The following CSMD3 variants were observed in gnomAD, a reference collection of about 807,000 sequenced individuals.
CSMD3 encodes CUB and Sushi multiple domains 3, also known as CUB and sushi domain-containing protein 3.
CSMD3 carries 177 observed loss-of-function variants against 435.2 expected under a neutral mutation model. The ratio of observed to expected loss-of-function variants is 0.41; its 90% confidence interval spans 0.36 to 0.46. The LOEUF (loss-of-function observed/expected upper bound fraction) is 0.46. Among genes scored for constraint, CSMD3 ranks in the 20% least tolerant of loss-of-function variants. CSMD3 has a pLI of 0.34. For synonymous variants in CSMD3, 1,656 were observed against 1,520.5 expected (o/e 1.09, Z -2.07); for missense variants, 4,265 against 4,504.6 (o/e 0.95, Z 1.52).
intron 23 of CSMD3, among the ~76,000 whole-genome samples, chr8:112,579,533 T>C (rs774247911): frequency 2.6e-5 from 4 of 152,034 alleles, no homozygotes; most frequent in Non-Finnish European, 5.9e-5. Context: ...TTAAAAATTA[T>C]ATGTATTGCT....
intron 10 of CSMD3, among the ~76,000 whole-genome samples, chr8:112,901,250 C>A (rs1221086932): frequency 1.3e-5 from 2 of 151,250 alleles, no homozygotes; most frequent in Non-Finnish European, 3.0e-5. Flanking sequence ...TCTTATGACT[C>A]AAACTCTTTT....
chr8:112,959,935 A>G (rs75553552), intron 7 of CSMD3, among the ~76,000 whole-genome samples: 7,150 of 151,972 alleles, frequency 0.047, 232 homozygotes, highest in Non-Finnish European at 0.069. Context: ...TTCTGAGTCT[A>G]TAAGACATGG....
chr8:112,511,008 A>C (rs1311308486), intron 28 of CSMD3, among the ~76,000 whole-genome samples: 1 of 152,194 alleles, frequency 6.6e-6, no homozygotes, highest in Non-Finnish European at 1.5e-5. Context: ...TAATATGTGA[A>C]TATGAAAAAA....
At chr8:113,146,186 A>G (rs2091668597) in intron 4 of CSMD3, among the ~76,000 whole-genome samples, 1 of 151,646 alleles carries the variant, frequency 6.6e-6, no homozygotes, top group South Asian at 2.1e-4. Flanking sequence ...AAAGCAAAAC[A>G]GTGAATGCTT....
intron 4 of CSMD3, among the ~76,000 whole-genome samples, chr8:113,125,379 A>G (rs1405685437): frequency 1.3e-5 from 2 of 151,970 alleles, no homozygotes; most frequent in Non-Finnish European, 2.9e-5. Flanking sequence ...TCCCTTCTAC[A>G]GTTCAGGTAA....
At chr8:112,310,456 T>C (rs1285491292) in intron 50 of CSMD3, 1 of 162,234 alleles carries the variant, frequency 6.2e-6, no homozygotes, top group African/African-American at 2.4e-5. Flanking sequence ...TTTGACAAAA[T>C]ACAAAGAAAA....
intron 2 of CSMD3, chr8:113,313,801 AC>A (rs1441709429): frequency 1.2e-4 from 19 of 152,170 alleles, no homozygotes; most frequent in African/African-American, 4.6e-4. Context: ...GTATACAAAC[AC>A]TGGCATAAAT....
chr8:113,226,062 A>G (rs2093024536), intron 3 of CSMD3, among the ~76,000 whole-genome samples: 1 of 151,394 alleles, frequency 6.6e-6, no homozygotes, highest in South Asian at 2.1e-4. Flanking sequence ...CTCTTCCACC[A>G]TGACTGTAAG....
chr8:113,166,150 T>C (rs1338140735), intron 4 of CSMD3, among the ~76,000 whole-genome samples: 3 of 152,122 alleles, frequency 2.0e-5, no homozygotes, highest in Non-Finnish European at 4.4e-5. Flanking sequence ...ATGAGGCCTG[T>C]AGCTGTTTCA....
At chr8:113,140,298 A>G (rs182143100) in intron 4 of CSMD3, among the ~76,000 whole-genome samples, 2 of 150,976 alleles carry the variant, frequency 1.3e-5, no homozygotes, top group Admixed American at 6.6e-5. Context: ...TTTTTAAAAA[A>G]CACAATTATC....
intron 30 of CSMD3, 24 bp downstream of exon 30, chr8:112,503,766 C>G (rs1822221866): frequency 2.0e-6 from 3 of 1,520,232 alleles, no homozygotes; most frequent in East Asian, 4.5e-5. Context: ...AATCATGATA[C>G]TAACATGGAA....
intron 45 of CSMD3, among the ~76,000 whole-genome samples, chr8:112,322,339 C>T (rs1465559682): frequency 2.0e-5 from 3 of 151,960 alleles, no homozygotes; most frequent in Non-Finnish European, 2.9e-5. Flanking sequence ...GACTATGATG[C>T]TCAGAGTTAT....
At chr8:112,863,929 A>C (rs1326981871) in intron 10 of CSMD3, among the ~76,000 whole-genome samples, 4 of 152,128 alleles carry the variant, frequency 2.6e-5, no homozygotes, top group Non-Finnish European at 5.9e-5. Flanking sequence ...ATTGGGTTAT[A>C]AATTAAATAT....
intron 13 of CSMD3, among the ~76,000 whole-genome samples, chr8:112,697,938 C>A (rs1041831270): frequency 1.3e-5 from 2 of 151,956 alleles, no homozygotes; most frequent in African/African-American, 2.4e-5. Context: ...GAAAAAGTAT[C>A]CTGAATAGAG....
At chr8:113,233,071 A>T (rs1237059427) in intron 3 of CSMD3, among the ~76,000 whole-genome samples, 2 of 151,984 alleles carry the variant, frequency 1.3e-5, no homozygotes, top group East Asian at 3.9e-4. Flanking sequence ...TTATTTCCAT[A>T]ATTTTTGGAA....
intron 1 of CSMD3, among the ~76,000 whole-genome samples, chr8:113,415,107 A>G (rs1334301096): frequency 6.6e-6 from 1 of 152,218 alleles, no homozygotes; most frequent in Non-Finnish European, 1.5e-5. Flanking sequence ...TGCAATTTGG[A>G]TCATGAAGGC....
intron 53 of CSMD3, 74 bp downstream of exon 53, chr8:112,301,719 G>T (rs2130755274): frequency 9.2e-7 from 1 of 1,084,102 alleles, no homozygotes. Context: ...TCTCATATTA[G>T]GGAAAAAGAG....
At chr8:112,334,454 A>G (rs1824377225) in intron 45 of CSMD3, among the ~76,000 whole-genome samples, 1 of 152,186 alleles carries the variant, frequency 6.6e-6, no homozygotes, top group South Asian at 2.1e-4. Context: ...GTAATGGGCA[A>G]AGCACATGTC....
intron 13 of CSMD3, among the ~76,000 whole-genome samples, chr8:112,736,515 C>T (rs1391660063): frequency 3.9e-5 from 6 of 151,978 alleles, no homozygotes; most frequent in African/African-American, 1.4e-4. Flanking sequence ...AGTAACATTT[C>T]TCCATTTCAC....
Sources: gnomAD v4.1 joint callset for allele counts (sites outside exome capture counted in the v4.1 genomes callset) on GRCh38, gnomAD v4.1.1 for gene constraint, MANE v1.5 for transcripts, NCBI Gene and HGNC (gene_info 2026-07-23, HGNC 2026-07-21) for gene names.